The following OR6N1 variants were observed in gnomAD, a reference collection of about 807,000 sequenced individuals.
The protein encoded by OR6N1 is olfactory receptor 6N1.
For missense variants in OR6N1, 394 were observed against 371.7 expected, an observed-to-expected ratio of 1.06 and a Z score of -0.49; for synonymous variants, 170 against 150.7, an observed-to-expected ratio of 1.13 and a Z score of -0.94.
At chr1:158,811,851 AG>A in the OR6N1 span, among the ~76,000 whole-genome samples, 1 of 152,230 alleles carries the variant, frequency 6.6e-6, no homozygotes, top group Non-Finnish European at 1.5e-5. Context: ...TTTAAACAGC[AG>A]GAAAAGATGA....
the OR6N1 span, among the ~76,000 whole-genome samples, chr1:158,830,432 T>G: frequency 1.3e-5 from 2 of 152,220 alleles, no homozygotes; most frequent in Non-Finnish European, 2.9e-5. Context: ...GTAGATGGCC[T>G]TGGATCATTT....
At chr1:158,826,573 C>T in the OR6N1 span, among the ~76,000 whole-genome samples, 1 of 152,046 alleles carries the variant, frequency 6.6e-6, no homozygotes, top group Non-Finnish European at 1.5e-5. Context: ...AGGGGGTACA[C>T]AAACAAGTGA....
upstream of OR6N1, among the ~76,000 whole-genome samples, chr1:158,773,618 G>T (rs900501828): frequency 6.6e-6 from 1 of 151,966 alleles, no homozygotes; most frequent in Non-Finnish European, 1.5e-5. Context: ...CTCAGCCTTG[G>T]CTTACAAAAT....
the OR6N1 span, chr1:158,831,598 T>C: frequency 6.6e-6 from 1 of 152,210 alleles, no homozygotes; most frequent in Non-Finnish European, 1.5e-5. Flanking sequence ...GATCTAGGTA[T>C]CTAGTTGGTA....
the OR6N1 span, among the ~76,000 whole-genome samples, chr1:158,807,309 G>A: frequency 6.6e-6 from 1 of 152,164 alleles, no homozygotes; most frequent in African/African-American, 2.4e-5. Context: ...GCATAGTACA[G>A]ACATACATAA....
chr1:158,790,434 T>G, the OR6N1 span, among the ~76,000 whole-genome samples: 1 of 146,176 alleles, frequency 6.8e-6, no homozygotes, highest in Admixed American at 6.9e-5. Context: ...GGCATCTCGC[T>G]CTGTCACCCA....
chr1:158,788,960 G>A, the OR6N1 span, among the ~76,000 whole-genome samples: 159 of 152,146 alleles, frequency 1.0e-3, 1 homozygote, highest in African/African-American at 3.6e-3. Flanking sequence ...CCCAAAAAAG[G>A]AAATACCATA....
intron 1 of OR6N1, among the ~76,000 whole-genome samples, chr1:158,770,295 T>C (rs924548691): frequency 3.3e-5 from 5 of 152,178 alleles, no homozygotes; most frequent in African/African-American, 1.2e-4. Flanking sequence ...CCCTCCATAC[T>C]CTGCCTAAGC....
chr1:158,771,093 A>T (rs981599227), intron 1 of OR6N1, among the ~76,000 whole-genome samples: 5 of 152,180 alleles, frequency 3.3e-5, no homozygotes, highest in Admixed American at 3.3e-4. Context: ...CTCACTAAAA[A>T]TATGCTTTAT....
chr1:158,819,738 T>C, the OR6N1 span, among the ~76,000 whole-genome samples: 1 of 152,176 alleles, frequency 6.6e-6, no homozygotes, highest in South Asian at 2.1e-4. Context: ...TCTCAGCTTA[T>C]CTGCACACCC....
chr1:158,831,680 A>C, the OR6N1 span: 1 of 152,214 alleles, frequency 6.6e-6, no homozygotes, highest in Non-Finnish European at 1.5e-5. Context: ...CAGAAAACTG[A>C]GAACTGAATG....
chr1:158,766,636 C>A lies in OR6N1; in HGVS notation c.47G>T (p.Gly16Val), dbSNP rs1009305414. 1 of 1,613,396 alleles carries A rather than the reference C, an allele frequency of 6.2e-7. No individual in the cohort carries two copies. Among genetic ancestry groups the A allele is most frequent in the South Asian group, 1.1e-5 (1 of 91,044 alleles). Residue 16 changes from glycine to valine, a missense_variant, in exon 2 of 2, where the codon GGC becomes GTC. Coordinates refer to ENST00000641846, the MANE Select transcript of OR6N1 (RefSeq NM_001005185.2). ...WSQVAEFIIL[G>V]FPHLQGVQIY... ...CTGGACACCCTGGAGATGGGGGAAG[C>A]CCAAGATGATGAATTCTGCTACCTG...
At chr1:158,802,392 T>C in the OR6N1 span, among the ~76,000 whole-genome samples, 1 of 151,886 alleles carries the variant, frequency 6.6e-6, no homozygotes, top group Non-Finnish European at 1.5e-5. Context: ...TATTTTTTAG[T>C]AGAGACAGGG....
chr1:158,824,972 CTAGT>C, the OR6N1 span, among the ~76,000 whole-genome samples: 1 of 152,256 alleles, frequency 6.6e-6, no homozygotes, highest in Admixed American at 6.5e-5. Context: ...CAAATGAAAC[CTAGT>C]TAAAGTAAAG....
At chr1:158,813,436 T>C in the OR6N1 span, among the ~76,000 whole-genome samples, 2 of 152,018 alleles carry the variant, frequency 1.3e-5, no homozygotes, top group African/African-American at 4.8e-5. Flanking sequence ...CACAGAGATG[T>C]TTACCAAAAT....
the OR6N1 span, among the ~76,000 whole-genome samples, chr1:158,790,636 C>T: frequency 0.071 from 10,840 of 152,142 alleles, 486 homozygotes; most frequent in African/African-American, 0.13. Context: ...GATCTCCTGA[C>T]CTCGTGATCC....
the OR6N1 span, among the ~76,000 whole-genome samples, chr1:158,824,119 A>T: frequency 2.0e-5 from 3 of 152,010 alleles, no homozygotes; most frequent in African/African-American, 7.3e-5. Context: ...CCCAAATTTC[A>T]TCTTGAATTC....
chr1:158,775,071 C>A (rs1475628648), upstream of OR6N1: 1 of 152,104 alleles, frequency 6.6e-6, no homozygotes, highest in Admixed American at 6.5e-5. Context: ...TAATTTGAGA[C>A]CAAATCTAGT....
chr1:158,767,472 T>C (rs6661662), intron 1 of OR6N1, among the ~76,000 whole-genome samples: 39,642 of 152,108 alleles, frequency 0.26, 5,663 homozygotes, highest in African/African-American at 0.38. Flanking sequence ...CTTCTGTAGA[T>C]ATTAAATATA....
Sources: allele counts gnomAD v4.1 joint callset (sites outside exome capture counted in the v4.1 genomes callset), GRCh38; gene constraint gnomAD v4.1.1; transcripts MANE v1.5; gene names NCBI Gene and HGNC (gene_info 2026-07-23, HGNC 2026-07-21).